PCDHGB6: variants seen among roughly 807,000 people sequenced by gnomAD.
The protein encoded by PCDHGB6 is protocadherin gamma-B6.
A neutral mutation model predicts 59.1 loss-of-function variants in PCDHGB6; 51 were observed. The ratio of observed to expected loss-of-function variants is 0.86; its 90% confidence interval spans 0.69 to 1.09. The LOEUF is 1.09. Ranked by LOEUF, PCDHGB6 falls within the 50% of genes least tolerant of loss-of-function variation. The probability of loss-of-function intolerance (pLI) is 0.00; values close to 1 mark genes in which losing one functional copy is unlikely to be tolerated. For synonymous variants in PCDHGB6, 466 were observed against 495.1 expected, an observed-to-expected ratio of 0.94 and a Z score of 0.78; for missense variants, 1,148 against 1,205.1, an observed-to-expected ratio of 0.95 and a Z score of 0.70.
In PCDHGB6 at chr5:141,408,623, G is replaced by C; in HGVS notation, c.421G>C (p.Glu141Gln). The C allele has an allele frequency of 6.2e-7, 1 of 1,614,004 alleles. No individual in the cohort carries two copies. Among genetic ancestry groups the C allele is most frequent in the Non-Finnish European group, 8.5e-7 (1 of 1,179,888 alleles). ...ATTTGATAAAAAGGAAATACATTTA[G>C]AAATTTTCGAATCTGCATCCGCTGG... ...PQFDKKEIHL[E>Q]IFESASAGTR... is the part of the protein sequence containing the mutation. The change falls in exon 1 of 4, where the codon GAA (glutamate) becomes CAA (glutamine). Residue 141 changes from glutamate to glutamine, a missense_variant. Physicochemically the swap from Glu to Gln is conservative, Grantham distance 29 (BLOSUM62 2). This residue lies in a region of PCDHGB6 where 307 missense variants were observed against 323.8 expected (regional missense o/e 0.95). Transcript: ENST00000520790.
intron 1 of PCDHGB6, among the ~76,000 whole-genome samples, chr5:141,462,798 C>A (rs1458659959): frequency 6.6e-6 from 1 of 152,072 alleles, no homozygotes; most frequent in Non-Finnish European, 1.5e-5. Flanking sequence ...ATTTGCATGT[C>A]TAATAATGTT....
chr5:141,497,740 C>T (rs954595046), intron 2 of PCDHGB6, among the ~76,000 whole-genome samples: 1 of 152,054 alleles, frequency 6.6e-6, no homozygotes, highest in South Asian at 2.1e-4. Context: ...GGTTTCGCCA[C>T]GTTGGCCAGG....
At chr5:141,414,948 G>A (rs957548133) in intron 1 of PCDHGB6, 20 of 1,614,084 alleles carry the variant, frequency 1.2e-5, no homozygotes, top group South Asian at 2.2e-5. Flanking sequence ...CCGGCTACCT[G>A]GTGACCAAGG....
Position 141,410,295 on chromosome 5 carries a change from T to A in PCDHGB6, c.2093T>A (p.Leu698Ter), listed in dbSNP as rs1043971768. 6.2e-7 allele frequency: 1 copy of A among 1,613,982 alleles called. No homozygotes were observed. Among genetic ancestry groups the A allele is most frequent in the Admixed American group, 1.7e-5 (1 of 60,026 alleles). Residue 698 changes from leucine (L) to a stop codon, truncating the protein, a stop_gained, in exon 1 of 4, where the codon TTA becomes TAA. Transcript: ENST00000520790. LOFTEE classifies it high-confidence loss of function. ...LQFYLVVALA[L>*]ISVLFLLAVI... ...TTTTACCTGGTGGTGGCCTTGGCCT[T>A]AATCTCAGTGCTCTTCCTCCTCGCC... is the stretch of plus-strand genomic sequence containing the variant.
At chr5:141,498,971 GGGAAGGAA>G (rs201769957) in intron 2 of PCDHGB6, among the ~76,000 whole-genome samples, 18,877 of 110,786 alleles carry the variant, frequency 0.17, 1,784 homozygotes, top group Admixed American at 0.31. Context: ...GAGGGAGGGA[GGGAAGGAA>G]GGAAGGAAGG....
intron 1 of PCDHGB6, among the ~76,000 whole-genome samples, chr5:141,444,735 C>A (rs924159168): frequency 1.3e-5 from 2 of 152,116 alleles, no homozygotes; most frequent in Admixed American, 1.3e-4. Context: ...TGTTGAAAGT[C>A]ATTTCACTGA....
chr5:141,455,587 T>C (rs1383947901), intron 1 of PCDHGB6, among the ~76,000 whole-genome samples: 1 of 152,162 alleles, frequency 6.6e-6, no homozygotes, highest in African/African-American at 2.4e-5. Flanking sequence ...CCTTTTAATA[T>C]GCAAACGTAG....
intron 1 of PCDHGB6, among the ~76,000 whole-genome samples, chr5:141,449,041 C>T (rs998143732): frequency 3.3e-5 from 5 of 152,126 alleles, no homozygotes; most frequent in Admixed American, 3.3e-4. Flanking sequence ...GATTATTAAC[C>T]AGTCTCATAA....
At chr5:141,433,034 C>G (rs1357694242) in intron 1 of PCDHGB6, 2 of 1,614,184 alleles carry the variant, frequency 1.2e-6, no homozygotes, top group Non-Finnish European at 1.7e-6. Flanking sequence ...CGAGGTTTCC[C>G]TCACCACGGA....
rs56854727 is a variant in PCDHGB6, at chr5:141,438,635, TACACACAC to T, written c.2418+28025_2418+28032del. ...ATATATATATATATATATATATATA[TACACACAC>T]ACACACACATATATGTATATATATA... On this transcript the variant is annotated intron_variant, in intron 1 of 3. Transcript: ENST00000520790. Among the ~76,000 whole-genome samples, 72 of 33,376 alleles carry T rather than the reference TACACACAC, an allele frequency of 2.2e-3. 1 individual carries two copies. Among genetic ancestry groups the T allele is most frequent in the Non-Finnish European group, 3.0e-3 (57 of 18,970 alleles). The allele number at this position is 33,376 out of a possible 152,430, so 21.9% of individuals were successfully genotyped here.
intron 1 of PCDHGB6, among the ~76,000 whole-genome samples, chr5:141,439,380 G>C (rs1324859898): frequency 6.6e-6 from 1 of 152,158 alleles, no homozygotes; most frequent in East Asian, 1.9e-4. Flanking sequence ...ATAAAAATAA[G>C]TCATCACTTC....
At chr5:141,415,314 C>A (rs375384840) in intron 1 of PCDHGB6, 1 of 1,614,238 alleles carries the variant, frequency 6.2e-7, no homozygotes, top group Non-Finnish European at 8.5e-7. Context: ...CCTTCGTCAT[C>A]GTGCTGCTGG....
At chr5:141,433,096 C>A in intron 1 of PCDHGB6, 3 of 1,614,118 alleles carry the variant, frequency 1.9e-6, no homozygotes, top group Non-Finnish European at 2.5e-6. Context: ...CAGACATGCT[C>A]GTCAGCCAGG....
At chr5:141,444,864 A>G (rs1304165078) in intron 1 of PCDHGB6, among the ~76,000 whole-genome samples, 1 of 152,210 alleles carries the variant, frequency 6.6e-6, no homozygotes, top group African/African-American at 2.4e-5. Context: ...GTCTTACTAC[A>G]GGACAAAGCT....
intron 1 of PCDHGB6, chr5:141,422,953 G>A: frequency 6.2e-7 from 1 of 1,614,232 alleles, no homozygotes; most frequent in Non-Finnish European, 8.5e-7. Context: ...CTCCACTGGC[G>A]TGGAGCTGGC....
At position 141,432,554 on chromosome 5, in the gene PCDHGB6, G is replaced by A. The variant is rs757821109; in HGVS notation, c.2418+21934G>A. The A allele has an allele frequency of 9.3e-6, 15 of 1,613,832 alleles. No homozygotes were observed. Among genetic ancestry groups the A allele is most frequent in the Non-Finnish European group, 1.3e-5 (15 of 1,180,006 alleles). On this transcript the variant is annotated intron_variant, in intron 1 of 3. Coordinates refer to ENST00000520790, the MANE Select transcript of PCDHGB6 (RefSeq NM_018926.3). The surrounding 1 kb of genome is among the most constrained non-coding windows in gnomAD (Gnocchi z 6.0). ...GGTGGTGGCGGTGGACAGAGACTCCGGCCAGAACGCCTGGCTGTCCTACCG... is the reference window on the plus strand; with the variant it reads ...GGTGGTGGCGGTGGACAGAGACTCCAGCCAGAACGCCTGGCTGTCCTACCG...
At chr5:141,505,574 C>T (rs1275802375) in intron 3 of PCDHGB6, 93 bp downstream of exon 3, 13 of 1,593,636 alleles carry the variant, frequency 8.2e-6, no homozygotes, top group Non-Finnish European at 1.1e-5. Context: ...GGATGTCAAA[C>T]CTGTGTAGTT....
Position 141,432,248 on chromosome 5 carries a change from C to T in PCDHGB6, c.2418+21628C>T. Reference sequence around the variant, plus strand: ...TTATTCCCTGGCTGAGAACACCATCCAAGGGGCAAGCCTATCGTCCTACGT... The same window carrying T: ...TTATTCCCTGGCTGAGAACACCATCTAAGGGGCAAGCCTATCGTCCTACGT... On this transcript the variant is annotated intron_variant, in intron 1 of 3. Transcript: ENST00000520790. This position sits in a 1 kb window ranked among gnomAD's most constrained non-coding sequence, Gnocchi z 6.0. 1.2e-6 allele frequency: 2 copies of T among 1,614,244 alleles called. No individual in the cohort carries two copies. Among genetic ancestry groups the T allele is most frequent in the South Asian group, 1.1e-5 (1 of 91,090 alleles).
chr5:141,494,234 A>G (rs1299510042), intron 1 of PCDHGB6, among the ~76,000 whole-genome samples: 1 of 152,138 alleles, frequency 6.6e-6, no homozygotes, highest in Non-Finnish European at 1.5e-5. Context: ...CTAAATTAAT[A>G]ATGTATTTAG....
Sources: gnomAD v4.1 joint callset for allele counts (sites outside exome capture counted in the v4.1 genomes callset) on GRCh38, gnomAD v4.1.1 for gene constraint, gnomAD v4.1.1 regional missense constraint, Gnocchi (gnomAD v3.1) non-coding constraint, MANE v1.5 for transcripts, NCBI Gene and HGNC (gene_info 2026-07-23, HGNC 2026-07-21) for gene names.